The following ZFAND3 variants were observed in gnomAD, a reference collection of about 807,000 sequenced individuals.
ZFAND3 encodes the protein zinc finger AN1-type containing 3, also known as AN1-type zinc finger protein 3.
Under a neutral mutation model 29.6 loss-of-function variants are expected in ZFAND3, and 10 were observed. The ratio of observed to expected loss-of-function variants is 0.34; its 90% CI spans 0.21 to 0.57. The LOEUF is 0.57. Among genes scored for constraint, ZFAND3 ranks in the 20% least tolerant of loss-of-function variants. The pLI, the probability that ZFAND3 is intolerant of heterozygous loss-of-function variation, is 0.86. For synonymous variants in ZFAND3, 128 were observed against 112.6 expected, an observed-to-expected ratio of 1.14 and a Z score of -0.87; for missense variants, 230 against 304.5, an observed-to-expected ratio of 0.76 and a Z score of 1.82.
chr6:38,059,362 G>A (rs1209548214), intron 2 of ZFAND3, among the ~76,000 whole-genome samples: 1 of 152,000 alleles, frequency 6.6e-6, no homozygotes, highest in Non-Finnish European at 1.5e-5. Flanking sequence ...ATATCTTTCT[G>A]TAGCTCACTT....
At chr6:38,034,991 A>G (rs972423228) in intron 2 of ZFAND3, among the ~76,000 whole-genome samples, 2 of 152,076 alleles carry the variant, frequency 1.3e-5, no homozygotes, top group Non-Finnish European at 2.9e-5. Flanking sequence ...GTGCTGTTAA[A>G]TAGTCACAGT....
At position 37,964,010 on chromosome 6, in the gene ZFAND3, T is replaced by C. The variant is rs183359272; in HGVS notation, c.112+34011T>C. On this transcript the variant is annotated intron_variant, in intron 2 of 5. Coordinates refer to ENST00000287218, the MANE Select transcript of ZFAND3 (RefSeq NM_021943.3). ...GCTTGGGCTAGTGTTCCATATATTATAATCCTTTCCATATTTTGTTCTGTT... is the reference window on the plus strand; with the variant it reads ...GCTTGGGCTAGTGTTCCATATATTACAATCCTTTCCATATTTTGTTCTGTT... 1.5e-3 allele frequency among the ~76,000 whole-genome samples: 223 copies of C among 152,352 alleles called. 1 individual carries two copies. The highest frequency in any genetic ancestry group is 2.8e-3 in the Non-Finnish European group (192 of 68,030).
chr6:37,944,608 T>C (rs1761868925), intron 2 of ZFAND3, among the ~76,000 whole-genome samples: 1 of 152,252 alleles, frequency 6.6e-6, no homozygotes, highest in Non-Finnish European at 1.5e-5. Context: ...TTGTGATGAC[T>C]GAGGTCTTGT....
At chr6:37,932,329 A>C (rs985431233) in intron 2 of ZFAND3, among the ~76,000 whole-genome samples, 1 of 152,202 alleles carries the variant, frequency 6.6e-6, no homozygotes, top group African/African-American at 2.4e-5. Context: ...ACAATTACAG[A>C]TATGAAGAAA....
intron 1 of ZFAND3, among the ~76,000 whole-genome samples, chr6:37,849,540 C>G (rs1206230984): frequency 6.6e-6 from 1 of 152,100 alleles, no homozygotes; most frequent in African/African-American, 2.4e-5. Context: ...TCCTGAGTAG[C>G]TGGGATTACA....
At chr6:37,943,305 G>A (rs971961069) in intron 2 of ZFAND3, among the ~76,000 whole-genome samples, 1 of 152,072 alleles carries the variant, frequency 6.6e-6, no homozygotes, top group African/African-American at 2.4e-5. Flanking sequence ...ACTTTAAATT[G>A]TTCAGTTTTC....
At chr6:37,852,046 C>G (rs1764291256) in intron 1 of ZFAND3, among the ~76,000 whole-genome samples, 1 of 152,216 alleles carries the variant, frequency 6.6e-6, no homozygotes, top group Admixed American at 6.5e-5. Flanking sequence ...AGGAATATCA[C>G]AGAGCCTACT....
intron 3 of ZFAND3, among the ~76,000 whole-genome samples, chr6:38,067,354 A>G (rs897595187): frequency 6.6e-6 from 1 of 152,216 alleles, no homozygotes; most frequent in African/African-American, 2.4e-5. Flanking sequence ...TAAGGCAGGT[A>G]CTTCTATTTT....
chr6:38,025,473 T>A (rs1180977258), intron 2 of ZFAND3, among the ~76,000 whole-genome samples: 2 of 152,170 alleles, frequency 1.3e-5, no homozygotes, highest in African/African-American at 2.4e-5. Flanking sequence ...AACATCAGAG[T>A]CATTACTACA....
intron 2 of ZFAND3, among the ~76,000 whole-genome samples, chr6:37,934,789 A>AGAT (rs1761666016): frequency 7.7e-6 from 1 of 129,812 alleles, no homozygotes; most frequent in Admixed American, 9.2e-5. Context: ...CAGTGAGCTG[A>AGAT]GATTGTGCCA....
At chr6:37,926,867 A>C (rs1465695656) in intron 1 of ZFAND3, among the ~76,000 whole-genome samples, 2 of 152,134 alleles carry the variant, frequency 1.3e-5, no homozygotes, top group Admixed American at 1.3e-4. Flanking sequence ...GATTAGCTTC[A>C]AGTTTCCCAT....
At chr6:38,052,361 T>C (rs1764043517) in intron 2 of ZFAND3, among the ~76,000 whole-genome samples, 1 of 152,192 alleles carries the variant, frequency 6.6e-6, no homozygotes, top group Non-Finnish European at 1.5e-5. Context: ...CATCTACTTA[T>C]TGACAGGGTG....
intron 2 of ZFAND3, among the ~76,000 whole-genome samples, chr6:37,987,013 T>C (rs941291836): frequency 2.6e-5 from 4 of 152,230 alleles, no homozygotes; most frequent in African/African-American, 9.6e-5. Context: ...TTCCTGAATA[T>C]AGGGCAATGA....
chr6:38,149,695 A>G (rs1467435079), intron 5 of ZFAND3, among the ~76,000 whole-genome samples: 3 of 152,116 alleles, frequency 2.0e-5, no homozygotes, highest in African/African-American at 7.2e-5. Context: ...CTAAGCAAAC[A>G]TGGAGAAGGG....
chr6:38,144,186 T>TATATATATATATATATATATATATATA (rs1766027985), intron 5 of ZFAND3, among the ~76,000 whole-genome samples: 1 of 19,694 alleles, frequency 5.1e-5, no homozygotes, highest in Non-Finnish European at 1.4e-4. Context: ...ATATATATAA[T>TATATATATATATATATATATATATATA]ATATATATAT....
intron 1 of ZFAND3, among the ~76,000 whole-genome samples, chr6:37,926,267 T>C (rs533646689): frequency 2.6e-5 from 4 of 152,314 alleles, no homozygotes; most frequent in Non-Finnish European, 2.9e-5. Context: ...ACAAAGTTGG[T>C]GACAGAATAA....
rs1278136141 is a variant in ZFAND3, at chr6:38,079,766, T to C, written c.296-2626T>C. 2.0e-4 allele frequency among the ~76,000 whole-genome samples: 31 copies of C among 152,272 alleles called. 2 individuals are homozygous for C. In the East Asian group the frequency reaches 5.6e-3, roughly 27 times the overall value. ...AATCAGAAATTAGAAATGACTGGAC[T>C]GTTAATATTTACATTGTGCTCAGCT... On this transcript the variant is annotated intron_variant, in intron 3 of 5. Transcript: ENST00000287218.
At chr6:38,151,173 C>T (rs1212971219) in intron 5 of ZFAND3, among the ~76,000 whole-genome samples, 3 of 152,238 alleles carry the variant, frequency 2.0e-5, no homozygotes, top group Non-Finnish European at 4.4e-5. Context: ...CCTGAGTTCT[C>T]TGAGCCTGGC....
At chr6:37,888,859 G>C (rs1045930108) in intron 1 of ZFAND3, among the ~76,000 whole-genome samples, 8 of 152,174 alleles carry the variant, frequency 5.3e-5, no homozygotes, top group Non-Finnish European at 1.0e-4. Flanking sequence ...ATTCAATTAA[G>C]TGCAAACTTA....
Sources: allele counts gnomAD v4.1 joint callset (sites outside exome capture counted in the v4.1 genomes callset), GRCh38; gene constraint gnomAD v4.1.1; transcripts MANE v1.5; gene names NCBI Gene and HGNC (gene_info 2026-07-23, HGNC 2026-07-21).